LIFR: variants seen among roughly 807,000 people sequenced by gnomAD.
The protein encoded by LIFR is LIF receptor subunit alpha.
A neutral mutation model predicts 122.2 loss-of-function variants in LIFR; 84 were observed. That is an observed-to-expected ratio of 0.69 (90% confidence interval 0.58 to 0.82). The LOEUF is 0.82. Among genes scored for constraint, LIFR ranks in the 40% least tolerant of loss-of-function variants. LIFR has a pLI of 0.00. For synonymous variants in LIFR, 422 were observed against 434.7 expected (o/e 0.97, Z 0.36); for missense variants, 1,294 against 1,311.6 (o/e 0.99, Z 0.21).
upstream of LIFR, among the ~76,000 whole-genome samples, chr5:38,559,887 T>C (rs888000804): frequency 1.3e-5 from 2 of 152,254 alleles, no homozygotes; most frequent in Non-Finnish European, 2.9e-5. Flanking sequence ...TATTTTCTTT[T>C]TTGTAAATGC....
At chr5:38,496,717 AC>A in intron 12 of LIFR, 122 bp from the exon 13 acceptor site, 1 of 749,856 alleles carries the variant, frequency 1.3e-6, no homozygotes. Context: ...GTGGTGACTC[AC>A]GCTTATAATT....
chr5:38,523,656 C>A, intron 4 of LIFR, 74 bp from the exon 5 acceptor site: 2 of 1,155,486 alleles, frequency 1.7e-6, no homozygotes, highest in South Asian at 1.3e-5. Flanking sequence ...CTCCACTAAT[C>A]AACTACTTAT....
chr5:38,500,688 T>TA (rs1745128842), intron 11 of LIFR, among the ~76,000 whole-genome samples: 1 of 152,194 alleles, frequency 6.6e-6, no homozygotes, highest in Admixed American at 6.5e-5. Flanking sequence ...GCCTTCATCT[T>TA]AATGAGGTGC....
At chr5:38,590,375 CT>C (rs1413106492) in intron 1 of LIFR, among the ~76,000 whole-genome samples, 2 of 152,284 alleles carry the variant, frequency 1.3e-5, no homozygotes, top group East Asian at 3.9e-4. Flanking sequence ...TACTTGGTAA[CT>C]TTTCCTTGGA....
chr5:38,522,060 G>A (rs1240839125), intron 5 of LIFR, among the ~76,000 whole-genome samples: 1 of 152,212 alleles, frequency 6.6e-6, no homozygotes, highest in East Asian at 1.9e-4. Context: ...GTGGACAGCA[G>A]CAGTGGCTGT....
At position 38,531,643 on chromosome 5, in the gene LIFR, A is replaced by G. The variant is rs557939412; in HGVS notation, c.-19-977T>C. On this transcript the variant is annotated intron_variant, in intron 1 of 19. Transcript: ENST00000453190. ...GTCTGATATTAAAATTAAAATAAGA[A>G]AAAGATTGAGTAATCTTTCAGAACA... Among the ~76,000 whole-genome samples the G allele has an allele frequency of 9.7e-4, 148 of 152,280 alleles. 1 individual carries two copies. Among genetic ancestry groups the G allele is most frequent in the African/African-American group, 3.4e-3 (142 of 41,584 alleles).
rs754650727 is a variant in LIFR at position 38,496,383 on chromosome 5, A to G, written c.1884T>C (p.Asn628=). The G allele has an allele frequency of 6.2e-7, 1 of 1,609,680 alleles. No homozygotes were observed. The highest frequency in any genetic ancestry group is 8.5e-7 in the Non-Finnish European group (1 of 1,175,996). The change falls in exon 13 of 20, where the codon AAT becomes AAC. Residue 628 remains asparagine (N), a splice_region_variant and synonymous_variant. Coordinates refer to ENST00000453190, the MANE Select transcript of LIFR (RefSeq NM_001127671.2). ...TACTAAATCATCTCAAGCACTCACC[A>G]TTTGGAATTTCCATACTCGCTATTT... ...PSKIASMEIP[N]DDLKIEQVVG... is the part of the protein sequence containing the mutation.
Position 38,587,173 on chromosome 5 carries a change from C to T in LIFR, c.-20+8088G>A, listed in dbSNP as rs75855846. ...CCTCCTGCCCCTTACCCCTCCCCAC[C>T]CCAGCCCTCTACAAACACACAAACA... On this transcript the variant is annotated intron_variant, in intron 1 of 19. Coordinates refer to the LIFR transcript ENST00000263409. Among the ~76,000 whole-genome samples the T allele has an allele frequency of 8.2e-3, 1,243 of 152,164 alleles. 18 individuals are homozygous for T. Among genetic ancestry groups the T allele is most frequent in the African/African-American group, 0.029 (1,188 of 41,506 alleles).
rs182346862 is a variant in LIFR at position 38,496,459 on chromosome 5, T to C, written c.1808A>G (p.Tyr603Cys). ...KAEIRLDKNDYIISVVAKNSV... is the reference protein window; with the variant it reads ...KAEIRLDKNDCIISVVAKNSV... Reference sequence around the variant, plus strand: ...ATTTTTAGCCACTACGCTGATGATGTAGTCATTCTTATCAAGTCGTATCTC... The same window carrying C: ...ATTTTTAGCCACTACGCTGATGATGCAGTCATTCTTATCAAGTCGTATCTC... The change falls in exon 13 of 20, where the codon TAC (tyrosine) becomes TGC (cysteine). Residue 603 changes from tyrosine (Y) to cysteine (C), a missense_variant. Physicochemically the swap from Tyr to Cys is radical, Grantham distance 194. Coordinates refer to ENST00000453190, the MANE Select transcript of LIFR (RefSeq NM_001127671.2). 10 of 1,614,130 alleles carry C rather than the reference T, an allele frequency of 6.2e-6. No individual in the cohort carries two copies. The African/African-American group carries it at 1.2e-4, about 19-fold the overall frequency.
In LIFR at chr5:38,506,649, G is replaced by A. The variant is rs373388616; in HGVS notation, c.992-17C>T. The stretch of plus-strand genomic sequence containing the variant: ...CTGGTGGATCTAACAGAAAAAAAAT[G>A]CAGGTACTTATGATTACATATATTT... On this transcript the variant is annotated splice_polypyrimidine_tract_variant and intron_variant, in intron 7 of 19. Transcript: ENST00000453190. The A allele has an allele frequency of 6.2e-7, 1 of 1,603,014 alleles. No individual in the cohort carries two copies. The highest frequency in any genetic ancestry group is 1.1e-5 in the South Asian group (1 of 90,822).
chr5:38,547,640 A>T (rs1383335238), intron 1 of LIFR, among the ~76,000 whole-genome samples: 1 of 152,218 alleles, frequency 6.6e-6, no homozygotes, highest in Admixed American at 6.5e-5. Context: ...CATAAAACTA[A>T]TTACAAAACT....
At position 38,501,773 on chromosome 5, in the gene LIFR, T is replaced by G. The variant is rs926889509; in HGVS notation, c.1600+864A>C. Among the ~76,000 whole-genome samples, 4 of 148,102 alleles carry G rather than the reference T, an allele frequency of 2.7e-5. No individual in the cohort carries two copies. The East Asian group carries it at 5.9e-4, about 22-fold the overall frequency. ...TAAAAAATTAAACCTATTTCTGAGT[T>G]TTTTTTTTTTTACACCTGACATCTG... On this transcript the variant is annotated intron_variant, in intron 11 of 19. Transcript: ENST00000453190.
At chr5:38,565,026 G>T (rs1279627094) in intron 1 of LIFR, among the ~76,000 whole-genome samples, 1 of 151,312 alleles carries the variant, frequency 6.6e-6, no homozygotes, top group African/African-American at 2.4e-5. Flanking sequence ...CATCCACCTT[G>T]GCCTCCCAAA....
intron 1 of LIFR, among the ~76,000 whole-genome samples, chr5:38,569,629 T>G (rs189568771): frequency 8.4e-4 from 128 of 152,208 alleles, no homozygotes; most frequent in Non-Finnish European, 1.6e-3. Flanking sequence ...GGAGACATTT[T>G]CTCCCATGGA....
chr5:38,593,706 T>TG (rs1422683194), intron 1 of LIFR, among the ~76,000 whole-genome samples: 3 of 152,092 alleles, frequency 2.0e-5, no homozygotes, highest in African/African-American at 7.2e-5. Context: ...GGTGGGGCCT[T>TG]GGGGAAGTGA....
chr5:38,539,880 A>C (rs1216371452), intron 1 of LIFR, among the ~76,000 whole-genome samples: 2 of 152,182 alleles, frequency 1.3e-5, no homozygotes, highest in Admixed American at 1.3e-4. Flanking sequence ...CACTTTTCTA[A>C]GTTCTTTCAA....
At chr5:38,527,356 T>C (rs1190865734) in intron 3 of LIFR, 62 bp from the exon 4 acceptor site, 8 of 1,141,502 alleles carry the variant, frequency 7.0e-6, no homozygotes, top group African/African-American at 3.1e-5. Flanking sequence ...TTCATAAAAA[T>C]TTGGTTAACA....
At chr5:38,531,647 GAT>G (rs1169248402) in intron 1 of LIFR, among the ~76,000 whole-genome samples, 1 of 151,900 alleles carries the variant, frequency 6.6e-6, no homozygotes. Flanking sequence ...ATAAGAAAAA[GAT>G]TGAGTAATCT....
In LIFR at chr5:38,510,633, T is replaced by TG; in HGVS notation, c.821_822insC (p.Gln274HisfsTer20). 6.2e-7 allele frequency: 1 copy of TG among 1,614,062 alleles called. No homozygotes were observed. The highest frequency in any genetic ancestry group is 8.5e-7 in the Non-Finnish European group (1 of 1,179,964). The stretch of plus-strand genomic sequence containing the variant: ...CAATCAGTGCTGATAACACTTTTTC[T>TG]TGACTCACACAACAAAATGTTATGT... On this transcript the variant is annotated frameshift_variant, in exon 7 of 20. Coordinates refer to ENST00000453190, the MANE Select transcript of LIFR (RefSeq NM_001127671.2). LOFTEE classifies it high-confidence loss of function.
Sources: allele counts gnomAD v4.1 joint callset (sites outside exome capture counted in the v4.1 genomes callset), GRCh38; gene constraint gnomAD v4.1.1; transcripts MANE v1.5; gene names NCBI Gene and HGNC (gene_info 2026-07-23, HGNC 2026-07-21).